Variants in ITPK1 observed in about 807,000 individuals in gnomAD.
ITPK1 encodes inositol-tetrakisphosphate 1-kinase, also known as inositol 1,3,4-trisphosphate 5/6-kinase.
Under a neutral mutation model 45.3 loss-of-function variants are expected in ITPK1, and 21 were observed. That is an observed-to-expected ratio of 0.46 (90% CI 0.33 to 0.67). The LOEUF (loss-of-function observed/expected upper bound fraction) is 0.67, where lower values mean the gene tolerates loss of function less well. ITPK1 is among the 30% of genes least tolerant of loss of function. The pLI is 0.02. For synonymous variants in ITPK1, 258 were observed against 253.6 expected, an observed-to-expected ratio of 1.02 and a Z score of -0.16; for missense variants, 474 against 573.5, an observed-to-expected ratio of 0.83 and a Z score of 1.77.
At chr14:93,110,527 G>A (rs1316090746) in intron 2 of ITPK1, among the ~76,000 whole-genome samples, 1 of 152,162 alleles carries the variant, frequency 6.6e-6, no homozygotes, top group African/African-American at 2.4e-5. Flanking sequence ...AGGGCCCAAG[G>A]GGAAGGGACA....
At chr14:93,070,138 T>C (rs550164880) in intron 3 of ITPK1, 3 of 152,382 alleles carry the variant, frequency 2.0e-5, no homozygotes. Flanking sequence ...TTCTCCCCGA[T>C]CTTTTACAGT....
At chr14:92,984,021 A>C (rs1392102814) in intron 5 of ITPK1, among the ~76,000 whole-genome samples, 1 of 152,230 alleles carries the variant, frequency 6.6e-6, no homozygotes, top group East Asian at 1.9e-4. Flanking sequence ...GACACGTGTA[A>C]AATGACCCTG....
intron 3 of ITPK1, among the ~76,000 whole-genome samples, chr14:93,046,732 C>T (rs896533599): frequency 6.6e-6 from 1 of 152,190 alleles, no homozygotes; most frequent in African/African-American, 2.4e-5. Context: ...CCTTCTCCCA[C>T]AGCAGATGAA....
At chr14:93,104,886 A>G (rs1173183059) in intron 2 of ITPK1, among the ~76,000 whole-genome samples, 1 of 152,174 alleles carries the variant, frequency 6.6e-6, no homozygotes, top group Non-Finnish European at 1.5e-5. Flanking sequence ...CCCCAGGCTA[A>G]TAAGAATGGT....
intron 7 of ITPK1, among the ~76,000 whole-genome samples, chr14:92,959,142 G>T (rs1328779613): frequency 6.6e-6 from 1 of 152,210 alleles, no homozygotes; most frequent in Non-Finnish European, 1.5e-5. Context: ...GGGGTAGGGA[G>T]TGCAGGGGGG....
intron 5 of ITPK1, among the ~76,000 whole-genome samples, chr14:92,991,132 T>C (rs1259646907): frequency 6.6e-6 from 1 of 152,120 alleles, no homozygotes; most frequent in Non-Finnish European, 1.5e-5. Flanking sequence ...TCAAGGGTAA[T>C]TATGGCCATT....
chr14:93,039,547 A>C (rs933219783), intron 3 of ITPK1, among the ~76,000 whole-genome samples: 9 of 152,240 alleles, frequency 5.9e-5, no homozygotes, highest in African/African-American at 2.2e-4. Context: ...TATCTTTACC[A>C]GCCCAAGGTG....
chr14:92,974,812 C>T (rs1161248851), intron 5 of ITPK1, among the ~76,000 whole-genome samples: 1 of 152,230 alleles, frequency 6.6e-6, no homozygotes, highest in Non-Finnish European at 1.5e-5. Flanking sequence ...TGAGTCTTCC[C>T]CAGCAGGACT....
intron 2 of ITPK1, among the ~76,000 whole-genome samples, chr14:93,092,678 G>A (rs937990620): frequency 6.6e-6 from 1 of 152,238 alleles, no homozygotes; most frequent in East Asian, 1.9e-4. Context: ...TGGAGGCCAG[G>A]GATGCCGTTG....
chr14:92,938,291 C>T lies in ITPK1; in HGVS notation c.*3270G>A. The T allele has an allele frequency of 8.0e-6, 5 of 621,948 alleles. No homozygotes were observed. The highest frequency in any genetic ancestry group is 1.4e-5 in the Non-Finnish European group (5 of 346,890). The allele number at this position is 621,948 out of a possible 1,614,324, so 38.5% of individuals were successfully genotyped here. ...TAGGGAATAGAAGAGAGGGCAGATA[C>T]AGACCCCAGGGACATTAGTGAAGCC... On this transcript the variant is annotated 3_prime_UTR_variant, in exon 11 of 11. Transcript: ENST00000267615.
chr14:93,098,388 C>T (rs976434745), intron 2 of ITPK1, among the ~76,000 whole-genome samples: 3 of 151,126 alleles, frequency 2.0e-5, no homozygotes, highest in Non-Finnish European at 4.4e-5. Flanking sequence ...ACCCGGGAGG[C>T]GGAGCTTGTA....
chr14:92,957,428 G>A (rs551575474), intron 8 of ITPK1, among the ~76,000 whole-genome samples: 83 of 152,332 alleles, frequency 5.4e-4, no homozygotes, highest in Non-Finnish European at 1.0e-3. Context: ...CAGCTCCACT[G>A]CCAGCAAATC....
chr14:93,033,601 C>T (rs1889169213), intron 3 of ITPK1, among the ~76,000 whole-genome samples: 1 of 152,094 alleles, frequency 6.6e-6, no homozygotes, highest in Non-Finnish European at 1.5e-5. Flanking sequence ...CTGGGAGGCT[C>T]CTGCTGAGAA....
chr14:93,055,154 G>C (rs753768933), intron 3 of ITPK1, among the ~76,000 whole-genome samples: 1 of 152,124 alleles, frequency 6.6e-6, no homozygotes. Context: ...TGCTGTATTC[G>C]ATACAACTCC....
chr14:92,941,275 C>A lies in ITPK1; in HGVS notation c.*286G>T. 9 of 1,383,794 alleles carry A rather than the reference C, an allele frequency of 6.5e-6. No individual in the cohort carries two copies. The highest frequency in any genetic ancestry group is 8.4e-6 in the Non-Finnish European group (9 of 1,072,884). The allele number at this position is 1,383,794 out of a possible 1,614,324, so 85.7% of individuals were successfully genotyped here. On this transcript the variant is annotated 3_prime_UTR_variant, in exon 11 of 11. Coordinates refer to ENST00000267615, the MANE Select transcript of ITPK1 (RefSeq NM_014216.6). ...CATACGCACACCCCTCACCTCCCAT[C>A]CAGACCTAGTGTTGCAAACACAAGC...
chr14:92,970,492 C>A (rs368137352), intron 5 of ITPK1, among the ~76,000 whole-genome samples: 1 of 152,226 alleles, frequency 6.6e-6, no homozygotes, highest in African/African-American at 2.4e-5. Context: ...CTTAGAGCTG[C>A]GCTCAGTCCT....
chr14:92,976,195 C>T (rs1363088839), intron 5 of ITPK1, among the ~76,000 whole-genome samples: 1 of 152,224 alleles, frequency 6.6e-6, no homozygotes, highest in African/African-American at 2.4e-5. Flanking sequence ...TCTCCTAGGT[C>T]TCAAGTCTCC....
chr14:93,065,796 C>G (rs1365522549), intron 3 of ITPK1, among the ~76,000 whole-genome samples: 1 of 152,198 alleles, frequency 6.6e-6, no homozygotes, highest in Non-Finnish European at 1.5e-5. Context: ...GAACTTGAGA[C>G]TCTGGAGCAG....
intron 5 of ITPK1, among the ~76,000 whole-genome samples, chr14:92,973,253 C>T (rs1334149128): frequency 6.6e-6 from 1 of 152,196 alleles, no homozygotes; most frequent in Non-Finnish European, 1.5e-5. Context: ...AGGCAGGCCT[C>T]AGTAAGAACC....
Sources: gnomAD v4.1 joint callset for allele counts (sites outside exome capture counted in the v4.1 genomes callset) on GRCh38, gnomAD v4.1.1 for gene constraint, MANE v1.5 for transcripts, NCBI Gene and HGNC (gene_info 2026-07-23, HGNC 2026-07-21) for gene names.